The following COL13A1 variants were observed in gnomAD, a reference collection of about 807,000 sequenced individuals.
The protein encoded by COL13A1 is collagen alpha-1(XIII) chain.
In COL13A1, 89 loss-of-function variants were observed where a neutral mutation model predicts 130.9. That is an observed-to-expected ratio of 0.68 (90% CI 0.57 to 0.81). COL13A1 has a LOEUF of 0.81. Ranked by LOEUF, COL13A1 falls within the 30% of genes least tolerant of loss-of-function variation. The pLI is 0.00. For missense variants in COL13A1, 879 were observed against 934.6 expected (o/e 0.94, Z 0.78); for synonymous variants, 402 against 341.6 (o/e 1.18, Z -1.95).
chr10:69,898,987 C>T (rs1237501190), intron 14 of COL13A1, among the ~76,000 whole-genome samples: 1 of 152,210 alleles, frequency 6.6e-6, no homozygotes, highest in Admixed American at 6.6e-5. Context: ...TCAACAAGAG[C>T]TGTCAGTGTG....
At chr10:69,932,155 G>C (rs1231154381) in intron 30 of COL13A1, among the ~76,000 whole-genome samples, 2 of 152,104 alleles carry the variant, frequency 1.3e-5, no homozygotes, top group African/African-American at 4.8e-5. Context: ...AGACAGAGCT[G>C]TGTGCACGTG....
At chr10:69,930,880 A>G (rs935590077) in intron 30 of COL13A1, among the ~76,000 whole-genome samples, 1 of 152,214 alleles carries the variant, frequency 6.6e-6, no homozygotes, top group African/African-American at 2.4e-5. Flanking sequence ...TGGGAAAGAG[A>G]TGAAGACATG....
chr10:69,869,504 G>T (rs987598024), intron 3 of COL13A1, among the ~76,000 whole-genome samples: 3 of 152,216 alleles, frequency 2.0e-5, no homozygotes, highest in African/African-American at 7.2e-5. Flanking sequence ...TATCCTGGGG[G>T]CTGGCTCTGT....
chr10:69,947,376 A>T, intron 38 of COL13A1, 34 bp downstream of exon 38: 2 of 1,585,680 alleles, frequency 1.3e-6, no homozygotes, highest in Non-Finnish European at 1.7e-6. Flanking sequence ...TGCTCTAGTT[A>T]CTAATGTCTT....
intron 5 of COL13A1, 112 bp downstream of exon 5, chr10:69,875,275 A>G (rs2059467328): frequency 7.6e-7 from 1 of 1,318,834 alleles, no homozygotes; most frequent in Non-Finnish European, 1.1e-6. Context: ...GGAGGGGGTC[A>G]GCACTTTCCC....
At chr10:69,955,182 G>C (rs2070401239) in intron 39 of COL13A1, 1 of 152,234 alleles carries the variant, frequency 6.6e-6, no homozygotes, top group Non-Finnish European at 1.5e-5. Flanking sequence ...ACCCTGAAAG[G>C]TGGTCGTAGA....
intron 7 of COL13A1, among the ~76,000 whole-genome samples, chr10:69,886,615 A>AGGAGC (rs1365507323): frequency 6.7e-4 from 102 of 152,340 alleles, no homozygotes; most frequent in Admixed American, 4.2e-3. Flanking sequence ...CATGGTAGAA[A>AGGAGC]GGAGCCTTTG....
intron 35 of COL13A1, among the ~76,000 whole-genome samples, 184 bp downstream of exon 35, chr10:69,941,207 G>T (rs1444769396): frequency 2.6e-5 from 4 of 152,170 alleles, no homozygotes; most frequent in Admixed American, 2.6e-4. Flanking sequence ...AAATATGGCT[G>T]GCCTTCATCT....
intron 17 of COL13A1, 111 bp downstream of exon 17, chr10:69,905,933 G>C: frequency 8.2e-7 from 1 of 1,223,326 alleles, no homozygotes; most frequent in Non-Finnish European, 1.1e-6. Context: ...GGCTGTGCCT[G>C]TAGTGAGGCA....
intron 1 of COL13A1, among the ~76,000 whole-genome samples, chr10:69,815,625 A>G (rs1844284882): frequency 6.6e-6 from 1 of 152,168 alleles, no homozygotes; most frequent in South Asian, 2.1e-4. Context: ...TAGATGGCAC[A>G]CATCCATCTG....
intron 2 of COL13A1, among the ~76,000 whole-genome samples, chr10:69,843,439 CACTAACCACACATG>C (rs1382438816): frequency 6.6e-6 from 1 of 152,104 alleles, no homozygotes; most frequent in Non-Finnish European, 1.5e-5. Flanking sequence ...TTATGACTGC[CACTAACCACACATG>C]ACTGTATATT....
At chr10:69,888,227 T>C in intron 8 of COL13A1, 77 bp from the exon 9 acceptor site, 1 of 1,552,392 alleles carries the variant, frequency 6.4e-7, no homozygotes, top group Non-Finnish European at 8.8e-7. Flanking sequence ...ATCTGTGCTT[T>C]TCCCCACTGC....
At chr10:69,848,797 G>A (rs1853865650) in intron 2 of COL13A1, among the ~76,000 whole-genome samples, 1 of 152,138 alleles carries the variant, frequency 6.6e-6, no homozygotes, top group Admixed American at 6.5e-5. Flanking sequence ...CTGGTGCCAA[G>A]GGGGTCACTT....
At position 69,802,126 on chromosome 10, in the gene COL13A1, T is replaced by G. The variant is rs1354544480; in HGVS notation, c.-298T>G. On this transcript the variant is annotated 5_prime_UTR_variant, in exon 1 of 41. Coordinates refer to ENST00000645393, the MANE Select transcript of COL13A1 (RefSeq NM_001368882.1). ...TCTGCAGACACTTGAAGGGAAAGAC[T>G]GGGCGGAGAGAAGGAGAGCCGGTCA... 1.4e-5 allele frequency: 5 copies of G among 355,770 alleles called. No individual in the cohort carries two copies. Among genetic ancestry groups the G allele is most frequent in the Non-Finnish European group, 2.5e-5 (5 of 200,478 alleles). The allele number at this position is 355,770 out of a possible 1,614,324, so 22.0% of individuals were successfully genotyped here. A position where few individuals can be genotyped will look rare whatever the true frequency, so the allele number is the denominator to read the frequency against.
At chr10:69,813,509 G>T (rs10998980) in intron 1 of COL13A1, among the ~76,000 whole-genome samples, 1 of 152,058 alleles carries the variant, frequency 6.6e-6, no homozygotes. Context: ...GGCAGTATGT[G>T]GTATCTGGAG....
intron 38 of COL13A1, among the ~76,000 whole-genome samples, chr10:69,949,113 G>A (rs2068980621): frequency 6.6e-6 from 1 of 152,186 alleles, no homozygotes; most frequent in African/African-American, 2.4e-5. Context: ...TCCTCTTCAT[G>A]CCGGGGATTT....
At chr10:69,822,348 C>G (rs2132619485) in intron 1 of COL13A1, 21 bp from the exon 2 acceptor site, 1 of 1,562,230 alleles carries the variant, frequency 6.4e-7, no homozygotes, top group East Asian at 2.4e-5. Context: ...GGTGACTCCT[C>G]TTGTCTGTCT....
chr10:69,916,090 C>G (rs1257335797), intron 17 of COL13A1, among the ~76,000 whole-genome samples: 2 of 152,200 alleles, frequency 1.3e-5, no homozygotes, highest in African/African-American at 4.8e-5. Flanking sequence ...GGGTGGAAGT[C>G]CTCTAGCCTT....
intron 2 of COL13A1, among the ~76,000 whole-genome samples, chr10:69,865,177 C>G (rs1419507641): frequency 6.6e-6 from 1 of 152,250 alleles, no homozygotes. Flanking sequence ...GGTCATGAAT[C>G]TCCCTGGGCC....
Sources: allele counts gnomAD v4.1 joint callset (sites outside exome capture counted in the v4.1 genomes callset), GRCh38; gene constraint gnomAD v4.1.1; transcripts MANE v1.5; gene names NCBI Gene and HGNC (gene_info 2026-07-23, HGNC 2026-07-21).